FLRT1: variants seen among roughly 807,000 people sequenced by gnomAD.
FLRT1 encodes the protein fibronectin leucine rich transmembrane protein 1.
Under a neutral mutation model 30.9 loss-of-function variants are expected in FLRT1, and 14 were observed. The ratio of observed to expected loss-of-function variants is 0.45; its 90% CI spans 0.30 to 0.71. The LOEUF is 0.71. FLRT1 is among the 30% of genes least tolerant of loss of function. The pLI, the probability that FLRT1 is intolerant of heterozygous loss-of-function variation, is 0.08. For missense variants in FLRT1, 737 were observed against 949.2 expected (o/e 0.78, Z 2.94); for synonymous variants, 368 against 430.4 (o/e 0.85, Z 1.80).
In FLRT1 at chr11:64,090,832, C is replaced by T. The variant is rs1178176265; in HGVS notation, c.-1037-12362C>T. Among the ~76,000 whole-genome samples the T allele has an allele frequency of 2.6e-5, 4 of 152,006 alleles. No individual in the cohort carries two copies. The highest frequency in any genetic ancestry group is 3.9e-4 in the East Asian group (2 of 5,158). ...GGCTCTGCAGAAGCAGAGCCCGAGT[C>T]GGGTCCAGCCCTGCACTCCCAGGGA... On this transcript the variant is annotated intron_variant, in intron 1 of 2. Transcript: ENST00000682287. The surrounding 1 kb of genome is among the most constrained non-coding windows in gnomAD (Gnocchi z 4.7).
chr11:64,099,447 G>A (rs1944632926), intron 1 of FLRT1, among the ~76,000 whole-genome samples: 1 of 152,236 alleles, frequency 6.6e-6, no homozygotes, highest in African/African-American at 2.4e-5. Context: ...TGGAAAGATG[G>A]AGAAATGGAT....
chr11:64,077,803 G>A (rs1033152697), intron 1 of FLRT1, among the ~76,000 whole-genome samples: 5 of 152,214 alleles, frequency 3.3e-5, no homozygotes, highest in South Asian at 2.1e-4. Context: ...GCCTCCGGCC[G>A]CCGCTCGGAC....
At chr11:64,101,706 G>A (rs1402143343) in intron 1 of FLRT1, among the ~76,000 whole-genome samples, 6 of 152,206 alleles carry the variant, frequency 3.9e-5, no homozygotes, top group East Asian at 3.8e-4. Context: ...CTCCCGCCGC[G>A]TGCAGGGACT....
chr11:64,039,021 G>T (rs1943435024), intron 1 of FLRT1, among the ~76,000 whole-genome samples: 2 of 152,186 alleles, frequency 1.3e-5, no homozygotes. Flanking sequence ...CTCGTTCACT[G>T]TGGGCCAAGG....
chr11:64,089,363 C>A (rs574912512), intron 1 of FLRT1, among the ~76,000 whole-genome samples: 88 of 152,178 alleles, frequency 5.8e-4, no homozygotes, highest in Non-Finnish European at 1.1e-3. Context: ...ATAGGGCCCG[C>A]AAGTCCCCTA....
intron 1 of FLRT1, among the ~76,000 whole-genome samples, chr11:64,092,848 C>T (rs1034079335): frequency 3.3e-5 from 5 of 152,244 alleles, no homozygotes; most frequent in African/African-American, 1.2e-4. Context: ...TAACACGTGT[C>T]ACCAAAGACA....
intron 2 of FLRT1, among the ~76,000 whole-genome samples, chr11:64,104,941 G>A (rs561109822): frequency 2.0e-5 from 3 of 152,122 alleles, no homozygotes; most frequent in Non-Finnish European, 4.4e-5. Context: ...AAGCCTCTGT[G>A]CCCTGGGCAG....
chr11:64,114,067 G>C (rs529148950), intron 2 of FLRT1, among the ~76,000 whole-genome samples: 1 of 150,420 alleles, frequency 6.6e-6, no homozygotes, highest in Admixed American at 6.6e-5. Flanking sequence ...TGGATGGATG[G>C]ATGGATGGAT....
At chr11:64,088,067 C>G (rs1348044365) in intron 1 of FLRT1, among the ~76,000 whole-genome samples, 1 of 152,192 alleles carries the variant, frequency 6.6e-6, no homozygotes, top group Non-Finnish European at 1.5e-5. Flanking sequence ...TGGGCCTCCC[C>G]TGGCTCTTCC....
Position 64,067,582 on chromosome 11 carries a change from T to C in FLRT1, c.-1038+31423T>C, listed in dbSNP as rs1944028091. On this transcript the variant is annotated intron_variant, in intron 1 of 2. Coordinates refer to ENST00000682287, the MANE Select transcript of FLRT1 (RefSeq NM_013280.5). The surrounding 1 kb of genome is among the most constrained non-coding windows in gnomAD (Gnocchi z 4.6). Reference sequence around the variant, plus strand: ...AAGCAGGGACCAGGACCCAGGCTTGTCTCCCTCCTGTCCCTAGGTGGGTGA... The same window carrying C: ...AAGCAGGGACCAGGACCCAGGCTTGCCTCCCTCCTGTCCCTAGGTGGGTGA... Among the ~76,000 whole-genome samples the C allele has an allele frequency of 6.6e-6, 1 of 152,006 alleles. No individual in the cohort carries two copies. The highest frequency in any genetic ancestry group is 2.1e-4 in the South Asian group (1 of 4,822).
chr11:64,067,235 T>C lies in FLRT1; in HGVS notation c.-1038+31076T>C, dbSNP rs1487969992. On this transcript the variant is annotated intron_variant, in intron 1 of 2. Coordinates refer to ENST00000682287, the MANE Select transcript of FLRT1 (RefSeq NM_013280.5). This position sits in a 1 kb window ranked among gnomAD's most constrained non-coding sequence, Gnocchi z 4.6. ...GGGAGGGGTGGGGAGAGGCCTTGCA[T>C]GGCACCCACTCCCACCTGTGCGGCA... Among the ~76,000 whole-genome samples the C allele has an allele frequency of 1.3e-5, 2 of 151,972 alleles. No individual in the cohort carries two copies. Among genetic ancestry groups the C allele is most frequent in the Admixed American group, 1.3e-4 (2 of 15,262 alleles).
intron 1 of FLRT1, among the ~76,000 whole-genome samples, chr11:64,080,412 G>A (rs539163260): frequency 3.9e-5 from 6 of 152,226 alleles, no homozygotes; most frequent in South Asian, 2.1e-4. Context: ...AGAATTCAGC[G>A]GGTTTTTTTG....
intron 1 of FLRT1, among the ~76,000 whole-genome samples, chr11:64,092,170 C>T (rs1387592319): frequency 6.6e-6 from 1 of 152,244 alleles, no homozygotes; most frequent in Non-Finnish European, 1.5e-5. Flanking sequence ...GGTGGAGTCA[C>T]TGCACAGTCT....
intron 1 of FLRT1, among the ~76,000 whole-genome samples, chr11:64,058,782 A>T (rs902813553): frequency 6.6e-6 from 1 of 152,208 alleles, no homozygotes; most frequent in Non-Finnish European, 1.5e-5. Flanking sequence ...TTCCTCTGTC[A>T]TCGGCCAGGG....
At chr11:64,105,823 G>A (rs1256396482) in intron 2 of FLRT1, among the ~76,000 whole-genome samples, 2 of 152,134 alleles carry the variant, frequency 1.3e-5, no homozygotes, top group East Asian at 3.9e-4. Flanking sequence ...GCCCACAGCT[G>A]CGGGAGGGCT....
At chr11:64,115,655 G>C (rs556050379) in intron 2 of FLRT1, among the ~76,000 whole-genome samples, 1 of 152,352 alleles carries the variant, frequency 6.6e-6, no homozygotes, top group East Asian at 1.9e-4. Flanking sequence ...CGTTCCCGCA[G>C]GTTCTGGCGA....
rs1321490316 is a variant in FLRT1, at chr11:64,117,039, A to G, written c.772A>G (p.Asn258Asp). ...QNLTELSLVRNSLAAPPLNLP... is the reference protein window; with the variant it reads ...QNLTELSLVRDSLAAPPLNLP... ...CCTCACAGAGCTCTCGCTGGTGCGC[A>G]ATTCGCTGGCCGCGCCACCCCTCAA... Residue 258 changes from asparagine (N) to aspartate (D), a missense_variant, in exon 3 of 3, where the codon AAT (asparagine) becomes GAT (aspartate). Asn to Asp is a conservative substitution (Grantham distance 23). Transcript: ENST00000682287. The G allele has an allele frequency of 6.2e-7, 1 of 1,609,440 alleles. No individual in the cohort carries two copies. Among genetic ancestry groups the G allele is most frequent in the East Asian group, 2.2e-5 (1 of 44,476 alleles).
At chr11:64,093,364 G>A (rs1944523901) in intron 1 of FLRT1, among the ~76,000 whole-genome samples, 1 of 152,210 alleles carries the variant, frequency 6.6e-6, no homozygotes, top group African/African-American at 2.4e-5. Flanking sequence ...CGGCCCATTG[G>A]GAAAAGACAA....
In FLRT1 at chr11:64,117,074, C is replaced by T. The variant is rs144664182; in HGVS notation, c.807C>T (p.Ser269=). 125 of 1,601,894 alleles carry T rather than the reference C, an allele frequency of 7.8e-5. 1 individual carries two copies. The African/African-American group carries it at 1.4e-3, about 18-fold the overall frequency. ...CCGCGCCACCCCTCAACCTGCCCAGCGCCCACCTGCAGAAGCTCTACCTGC... is the reference window on the plus strand; with the variant it reads ...CCGCGCCACCCCTCAACCTGCCCAGTGCCCACCTGCAGAAGCTCTACCTGC... The part of the protein sequence containing the change: ...SLAAPPLNLP[S]AHLQKLYLQD... The change falls in exon 3 of 3, where the codon AGC becomes AGT. Residue 269 remains serine (S), a synonymous_variant. Transcript: ENST00000682287.
Sources: allele counts gnomAD v4.1 joint callset (sites outside exome capture counted in the v4.1 genomes callset), GRCh38; gene constraint gnomAD v4.1.1; non-coding constraint Gnocchi (gnomAD v3.1); transcripts MANE v1.5; gene names NCBI Gene and HGNC (gene_info 2026-07-23, HGNC 2026-07-21).